NUP58: variants seen among roughly 807,000 people sequenced by gnomAD.
NUP58 encodes nucleoporin p58/p45.
NUP58 carries 17 observed loss-of-function variants against 70.1 expected under a neutral mutation model. That is an observed-to-expected ratio of 0.24 (90% CI 0.17 to 0.36). NUP58 has a LOEUF of 0.36. Among genes scored for constraint, NUP58 ranks in the 10% least tolerant of loss-of-function variants. NUP58 has a pLI of 1.00. For synonymous variants in NUP58, 275 were observed against 257.6 expected, an observed-to-expected ratio of 1.07 and a Z score of -0.65; for missense variants, 644 against 701.5, an observed-to-expected ratio of 0.92 and a Z score of 0.93.
chr13:25,312,271 T>C (rs2030706043), intron 3 of NUP58, among the ~76,000 whole-genome samples: 1 of 152,210 alleles, frequency 6.6e-6, no homozygotes, highest in Non-Finnish European at 1.5e-5. Context: ...GGACCATTTT[T>C]CTGCTGAGAG....
intron 15 of NUP58, among the ~76,000 whole-genome samples, chr13:25,339,409 A>T (rs953072325): frequency 1.3e-5 from 2 of 152,230 alleles, no homozygotes; most frequent in Non-Finnish European, 2.9e-5. Flanking sequence ...TAATAATAGG[A>T]TTCCATGTTA....
At chr13:25,326,287 G>A (rs1426880533) in intron 10 of NUP58, among the ~76,000 whole-genome samples, 1 of 149,978 alleles carries the variant, frequency 6.7e-6, no homozygotes, top group Non-Finnish European at 1.5e-5. Context: ...GTTGCCCATT[G>A]TTTACTGAAA....
At chr13:25,348,794 C>T (rs1049091007) in intron 3 of NUP58, among the ~76,000 whole-genome samples, 4 of 152,138 alleles carry the variant, frequency 2.6e-5, no homozygotes, top group Admixed American at 6.5e-5. Context: ...TACCCTTGTT[C>T]ATCATCAGAG....
chr13:25,325,417 T>G (rs1272417446), intron 10 of NUP58, among the ~76,000 whole-genome samples: 1 of 152,138 alleles, frequency 6.6e-6, no homozygotes. Context: ...GAAGAAAAAT[T>G]AGAAAATATA....
At position 25,308,046 on chromosome 13, in the gene NUP58, T is replaced by C. The variant is rs2030462842; in HGVS notation, c.250+98T>C. Reference sequence around the variant, plus strand: ...TCTTTACAAGGATCATCACTGGTAGTAGACCTTAAAAAATGGTAAATGCTA... The same window carrying C: ...TCTTTACAAGGATCATCACTGGTAGCAGACCTTAAAAAATGGTAAATGCTA... On this transcript the variant is annotated intron_variant, in intron 2 of 15. Coordinates refer to ENST00000381736, the MANE Select transcript of NUP58 (RefSeq NM_014089.4). The C allele has an allele frequency of 6.6e-6, 9 of 1,364,012 alleles. No homozygotes were observed. The East Asian group carries it at 1.9e-4, about 28-fold the overall frequency. 84.5% of individuals were successfully genotyped at this position (1,364,012 alleles called of 1,614,324 possible).
In NUP58 at chr13:25,340,327, G is replaced by C. The variant is rs185043294; in HGVS notation, c.*193G>C. The C allele has an allele frequency of 4.0e-6, 2 of 496,000 alleles. No homozygotes were observed. The highest frequency in any genetic ancestry group is 4.0e-5 in the African/African-American group (2 of 49,798). The allele number at this position is 496,000 out of a possible 1,614,324, so 30.7% of individuals were successfully genotyped here. On this transcript the variant is annotated 3_prime_UTR_variant, in exon 16 of 16. Coordinates refer to ENST00000381736, the MANE Select transcript of NUP58 (RefSeq NM_014089.4). ...TTTTTCTTGTGGAATTTAAAGTCCA[G>C]CTGTGTTTTCTTTTTAATTTGATTC... is the stretch of plus-strand genomic sequence containing the variant.
Position 25,311,516 on chromosome 13 carries a change from C to G in NUP58, c.287-1367C>G, listed in dbSNP as rs753878665. 2.6e-5 allele frequency among the ~76,000 whole-genome samples: 4 copies of G among 152,030 alleles called. No homozygotes were observed. The East Asian group carries it at 7.7e-4, about 29-fold the overall frequency. On this transcript the variant is annotated intron_variant, in intron 3 of 15. Transcript: ENST00000381736. ...TCAGCCTCCCGAGTAGCTGGGATTA[C>G]AGGCATGCGCCACCACGCCCAGCTA...
chr13:25,318,072 G>A (rs976971362), intron 6 of NUP58, among the ~76,000 whole-genome samples: 1 of 152,024 alleles, frequency 6.6e-6, no homozygotes, highest in Non-Finnish European at 1.5e-5. Flanking sequence ...GCTCACGCCT[G>A]TAATCCCAGC....
downstream of NUP58, among the ~76,000 whole-genome samples, chr13:25,345,684 T>G (rs1488129816): frequency 3.3e-5 from 5 of 152,148 alleles, no homozygotes; most frequent in Non-Finnish European, 7.3e-5. Flanking sequence ...AAACCCTTCC[T>G]GGAAGGCTTG....
chr13:25,315,660 T>A (rs182665954), intron 6 of NUP58, among the ~76,000 whole-genome samples, 193 bp downstream of exon 6: 5 of 136,850 alleles, frequency 3.7e-5, no homozygotes, highest in Non-Finnish European at 6.4e-5. Flanking sequence ...TGTAGTCTGT[T>A]CTTATCTAAC....
intron 9 of NUP58, among the ~76,000 whole-genome samples, chr13:25,323,585 C>G (rs981420114): frequency 6.6e-6 from 1 of 151,974 alleles, no homozygotes; most frequent in Middle Eastern, 3.2e-3. Context: ...CTTATTTAAC[C>G]CTAAAACCTT....
At chr13:25,342,477 C>G (rs1214895184), downstream of NUP58, 2 of 152,430 alleles carry the variant, frequency 1.3e-5, no homozygotes, top group Non-Finnish European at 2.9e-5. Context: ...CTTTTAGTCT[C>G]CGGTTGGGTT....
At chr13:25,335,932 A>G in intron 13 of NUP58, 1 of 1,101,072 alleles carries the variant, frequency 9.1e-7, no homozygotes, top group Non-Finnish European at 1.1e-6. Context: ...TAAATTATTT[A>G]TCCAAATGAG....
chr13:25,308,547 G>A (rs1318630440), intron 2 of NUP58, among the ~76,000 whole-genome samples: 1 of 151,228 alleles, frequency 6.6e-6, no homozygotes, highest in East Asian at 1.9e-4. Flanking sequence ...CTGAGGTCAA[G>A]TGATCCTCCT....
chr13:25,348,671 T>C (rs2032076447), intron 3 of NUP58, among the ~76,000 whole-genome samples: 1 of 152,226 alleles, frequency 6.6e-6, no homozygotes, highest in South Asian at 2.1e-4. Flanking sequence ...GGAGCAAATA[T>C]GGCTTATATG....
chr13:25,319,029 G>A (rs1426990803), intron 6 of NUP58, among the ~76,000 whole-genome samples: 2 of 152,048 alleles, frequency 1.3e-5, no homozygotes, highest in East Asian at 1.9e-4. Context: ...GTGTACAGAT[G>A]TCTTCATAAA....
intron 1 of NUP58, among the ~76,000 whole-genome samples, chr13:25,305,305 G>A (rs995177496): frequency 3.3e-5 from 5 of 151,876 alleles, no homozygotes; most frequent in Admixed American, 6.6e-5. Flanking sequence ...GCATTGGCAC[G>A]CCTGGCTAAT....
rs774426705 is a variant in NUP58 at position 25,327,517 on chromosome 13, G to A, written c.1233+5G>A. On this transcript the variant is annotated splice_donor_5th_base_variant and intron_variant, in intron 12 of 15. Transcript: ENST00000381736. ...TCTATTCATGAAAATGTAAAGGTAA[G>A]TTTTCATTACCCATTTATCTACCTG... is the stretch of plus-strand genomic sequence containing the variant. 1.3e-6 allele frequency: 2 copies of A among 1,589,914 alleles called. No homozygotes were observed. Among genetic ancestry groups the A allele is most frequent in the South Asian group, 1.1e-5 (1 of 89,098 alleles).
chr13:25,323,210 T>A (rs2137782557), intron 9 of NUP58, among the ~76,000 whole-genome samples: 1 of 152,236 alleles, frequency 6.6e-6, no homozygotes, highest in Middle Eastern at 3.4e-3. Flanking sequence ...AGTCAAAGTT[T>A]CCTTAAGGAA....
Sources: allele counts gnomAD v4.1 joint callset (sites outside exome capture counted in the v4.1 genomes callset), GRCh38; gene constraint gnomAD v4.1.1; transcripts MANE v1.5; gene names NCBI Gene and HGNC (gene_info 2026-07-23, HGNC 2026-07-21).